THSD7B: variants seen among roughly 807,000 people sequenced by gnomAD.
THSD7B encodes thrombospondin type 1 domain containing 7B.
Under a neutral mutation model 213.6 loss-of-function variants are expected in THSD7B, and 138 were observed. That is an observed-to-expected ratio of 0.65 (90% CI 0.56 to 0.74). THSD7B has a LOEUF of 0.74. THSD7B is among the 30% of genes least tolerant of loss of function. The pLI is 0.00. For synonymous variants in THSD7B, 742 were observed against 687.0 expected (o/e 1.08, Z -1.25); for missense variants, 1,931 against 1,991.5 (o/e 0.97, Z 0.58).
intron 2 of THSD7B, among the ~76,000 whole-genome samples, chr2:136,982,924 A>G (rs537008655): frequency 1.3e-5 from 2 of 152,246 alleles, no homozygotes; most frequent in South Asian, 4.1e-4. Flanking sequence ...ATTTTCCTTC[A>G]AGAATGATAG....
chr2:136,826,633 A>G (rs1558817876), intron 1 of THSD7B, among the ~76,000 whole-genome samples: 2 of 152,132 alleles, frequency 1.3e-5, no homozygotes, highest in Non-Finnish European at 2.9e-5. Flanking sequence ...CTAAAGTTAG[A>G]TTCTTCATTC....
chr2:137,123,960 C>T (rs551192404), intron 5 of THSD7B, among the ~76,000 whole-genome samples: 9 of 152,246 alleles, frequency 5.9e-5, no homozygotes, highest in Non-Finnish European at 1.2e-4. Flanking sequence ...AGAACTCAGT[C>T]GATATTTCCT....
intron 3 of THSD7B, among the ~76,000 whole-genome samples, chr2:137,084,250 C>T (rs1458569352): frequency 6.6e-6 from 1 of 152,020 alleles, no homozygotes; most frequent in African/African-American, 2.4e-5. Flanking sequence ...AATCTACTTA[C>T]ATGACAGTGA....
chr2:137,593,156 T>A (rs941281122), intron 17 of THSD7B, among the ~76,000 whole-genome samples: 1 of 151,966 alleles, frequency 6.6e-6, no homozygotes, highest in African/African-American at 2.4e-5. Flanking sequence ...CATCATTTAT[T>A]TATGTACTCT....
chr2:137,041,640 A>G (rs1331606995), intron 2 of THSD7B, among the ~76,000 whole-genome samples: 1 of 149,052 alleles, frequency 6.7e-6, no homozygotes, highest in Non-Finnish European at 1.5e-5. Context: ...GCAATATTAT[A>G]TAATATGTAT....
intron 20 of THSD7B, among the ~76,000 whole-genome samples, chr2:137,625,671 C>G (rs566416735): frequency 1.3e-5 from 2 of 152,162 alleles, no homozygotes; most frequent in Non-Finnish European, 2.9e-5. Context: ...CTGAGTGCAG[C>G]TCATGTGGCT....
intron 17 of THSD7B, among the ~76,000 whole-genome samples, chr2:137,601,769 C>T (rs182661353): frequency 6.6e-6 from 1 of 152,300 alleles, no homozygotes; most frequent in East Asian, 1.9e-4. Context: ...CTTCGTCCCT[C>T]TTTATTAGTG....
chr2:137,386,279 A>G (rs1052270962), intron 12 of THSD7B, among the ~76,000 whole-genome samples: 1 of 152,098 alleles, frequency 6.6e-6, no homozygotes, highest in African/African-American at 2.4e-5. Flanking sequence ...GTGAAATTTT[A>G]TTTCTGTTTC....
intron 15 of THSD7B, among the ~76,000 whole-genome samples, chr2:137,497,463 C>A (rs978159428): frequency 2.6e-5 from 4 of 151,934 alleles, no homozygotes; most frequent in Non-Finnish European, 5.9e-5. Flanking sequence ...AGCCAAAATC[C>A]TCCCTGCCTT....
chr2:137,117,934 T>C (rs563331854), intron 5 of THSD7B, among the ~76,000 whole-genome samples: 37 of 152,338 alleles, frequency 2.4e-4, no homozygotes, highest in African/African-American at 8.9e-4. Context: ...TGATGTCTCA[T>C]TCCTCACTGA....
intron 17 of THSD7B, among the ~76,000 whole-genome samples, chr2:137,588,626 G>A (rs972886104): frequency 5.3e-5 from 8 of 151,450 alleles, no homozygotes; most frequent in Non-Finnish European, 2.9e-5. Context: ...AGCACACATA[G>A]ATTTTTTTAG....
At chr2:137,178,506 C>T (rs1285576115) in intron 7 of THSD7B, among the ~76,000 whole-genome samples, 1 of 152,144 alleles carries the variant, frequency 6.6e-6, no homozygotes, top group Non-Finnish European at 1.5e-5. Flanking sequence ...AATCAGACTG[C>T]AAGGGAGATT....
chr2:137,013,313 G>A (rs1468741808), intron 2 of THSD7B, among the ~76,000 whole-genome samples: 1 of 152,168 alleles, frequency 6.6e-6, no homozygotes, highest in Non-Finnish European at 1.5e-5. Flanking sequence ...GATGTAATGA[G>A]GTGAGTGCTA....
chr2:137,385,232 G>A (rs935624747), intron 12 of THSD7B, among the ~76,000 whole-genome samples: 1 of 152,220 alleles, frequency 6.6e-6, no homozygotes, highest in African/African-American at 2.4e-5. Flanking sequence ...AACTGAGCTA[G>A]TGTTAATTGG....
At chr2:136,830,912 T>C (rs1682743314) in intron 1 of THSD7B, among the ~76,000 whole-genome samples, 1 of 152,184 alleles carries the variant, frequency 6.6e-6, no homozygotes, top group Non-Finnish European at 1.5e-5. Context: ...AAATCCCCCT[T>C]GATTCCTTTT....
chr2:136,767,802 G>T (rs908188863), intron 1 of THSD7B, among the ~76,000 whole-genome samples: 1 of 152,122 alleles, frequency 6.6e-6, no homozygotes. Context: ...ACTGTTGGTG[G>T]ACTTTGATAG....
chr2:137,379,076 A>G (rs1185634307), intron 12 of THSD7B, among the ~76,000 whole-genome samples: 1 of 152,202 alleles, frequency 6.6e-6, no homozygotes, highest in African/African-American at 2.4e-5. Flanking sequence ...AGGGCTCAAC[A>G]AACGCCTTGG....
At chr2:136,933,839 G>A (rs1227648207) in intron 2 of THSD7B, among the ~76,000 whole-genome samples, 4 of 152,040 alleles carry the variant, frequency 2.6e-5, no homozygotes, top group African/African-American at 4.8e-5. Context: ...ATTTTATTCA[G>A]TTCCTAATGT....
At chr2:137,454,044 C>A (rs910387976) in intron 15 of THSD7B, among the ~76,000 whole-genome samples, 2 of 152,156 alleles carry the variant, frequency 1.3e-5, no homozygotes, top group Non-Finnish European at 2.9e-5. Flanking sequence ...CATAACTTGG[C>A]TGTTGTAAAT....
Sources: gnomAD v4.1 joint callset for allele counts (sites outside exome capture counted in the v4.1 genomes callset) on GRCh38, gnomAD v4.1.1 for gene constraint, MANE v1.5 for transcripts, NCBI Gene and HGNC (gene_info 2026-07-23, HGNC 2026-07-21) for gene names.